The following PAXIP1 variants were observed in gnomAD, a reference collection of about 807,000 sequenced individuals.
PAXIP1 encodes PAX-interacting protein 1.
A neutral mutation model predicts 140.6 loss-of-function variants in PAXIP1; 19 were observed. That is an observed-to-expected ratio of 0.14 (90% CI 0.09 to 0.20). The LOEUF (loss-of-function observed/expected upper bound fraction) is 0.20, where lower values mean the gene tolerates loss of function less well. Ranked by LOEUF, PAXIP1 falls within the 10% of genes least tolerant of loss-of-function variation. The pLI is 1.00. For synonymous variants in PAXIP1, 442 were observed against 444.6 expected (o/e 0.99, Z 0.07); for missense variants, 920 against 1,208.6 (o/e 0.76, Z 3.54).
intron 2 of PAXIP1, among the ~76,000 whole-genome samples, 181 bp downstream of exon 2, chr7:154,998,469 T>C (rs143004303): frequency 8.3e-4 from 126 of 151,890 alleles, no homozygotes; most frequent in African/African-American, 2.9e-3. Flanking sequence ...GATCGTGCCA[T>C]TGCACTCCAG....
intron 5 of PAXIP1, among the ~76,000 whole-genome samples, chr7:154,978,143 A>T (rs544233687): frequency 3.2e-4 from 48 of 152,224 alleles, no homozygotes; most frequent in Non-Finnish European, 5.7e-4. Flanking sequence ...AGCACAATGA[A>T]CTATGATTCA....
rs1371381593 is a variant in PAXIP1, at chr7:155,002,974, CCACCCCCCGCCCCCGGCCCCCGCGG to C, written c.-70_-46del. ...GCTCCGCGGCGGCGCCCGGCCCCGC[CCACCCCCCGCCCCCGGCCCCCGCGG>C]CGCCCGGCGCCCCCACTCGCCCCGC... On this transcript the variant is annotated 5_prime_UTR_variant, in exon 1 of 21. Transcript: ENST00000404141. 1.2e-6 allele frequency: 1 copy of C among 855,832 alleles called. No homozygotes were observed. Among genetic ancestry groups the C allele is most frequent in the East Asian group, 1.1e-4 (1 of 9,232 alleles). The allele number at this position is 855,832 out of a possible 1,614,324, so 53.0% of individuals were successfully genotyped here.
rs140488176 is a variant in PAXIP1 at position 154,986,272 on chromosome 7, G to A, written c.325-2940C>T. 21 of 841,338 alleles carry A rather than the reference G, an allele frequency of 2.5e-5. No individual in the cohort carries two copies. The highest frequency in any genetic ancestry group is 5.1e-4 in the Middle Eastern group (1 of 1,958). The allele number at this position is 841,338 out of a possible 1,614,324, so 52.1% of individuals were successfully genotyped here. A position where few individuals can be genotyped will look rare whatever the true frequency, so the allele number is the denominator to read the frequency against. The stretch of plus-strand genomic sequence containing the variant: ...CTGCCTGGCGTGTGCATGTGAGTGT[G>A]TGTGCGCATGGGTGCTCCAGTGTGC... On this transcript the variant is annotated intron_variant, in intron 4 of 20. Coordinates refer to ENST00000404141, the MANE Select transcript of PAXIP1 (RefSeq NM_007349.4). This position sits in a 1 kb window ranked among gnomAD's most constrained non-coding sequence, Gnocchi z 4.8.
At chr7:154,970,358 T>C (rs1480080006) in intron 6 of PAXIP1, among the ~76,000 whole-genome samples, 1 of 152,216 alleles carries the variant, frequency 6.6e-6, no homozygotes, top group Non-Finnish European at 1.5e-5. Context: ...AAAGATTATA[T>C]GACCTGCAAG....
rs772259579 is a variant in PAXIP1 at position 154,944,099 on chromosome 7, C to G, written c.*50G>C. ...GCGCAGCAGCTCCTCGCCAGCCAGA[C>G]AGCCAGCCCCGCACCGCAGGAGTCG... is the stretch of plus-strand genomic sequence containing the variant. On this transcript the variant is annotated 3_prime_UTR_variant, in exon 21 of 21. Transcript: ENST00000404141. 3.1e-6 allele frequency: 5 copies of G among 1,603,000 alleles called. No homozygotes were observed. Among genetic ancestry groups the G allele is most frequent in the South Asian group, 2.2e-5 (2 of 89,968 alleles).
chr7:154,964,148 C>A (rs1053216337), intron 8 of PAXIP1: 4 of 168,036 alleles, frequency 2.4e-5, no homozygotes, highest in Non-Finnish European at 5.2e-5. Flanking sequence ...CAGCAGCCCC[C>A]TAGCCGCGAC....
intron 4 of PAXIP1, among the ~76,000 whole-genome samples, chr7:154,989,246 A>T (rs1810212115): frequency 6.6e-6 from 1 of 152,218 alleles, no homozygotes; most frequent in Non-Finnish European, 1.5e-5. Flanking sequence ...GATCAAGTTC[A>T]GACCGGTGAT....
intron 16 of PAXIP1, among the ~76,000 whole-genome samples, chr7:154,953,665 A>T (rs1808381358): frequency 6.6e-6 from 1 of 152,212 alleles, no homozygotes. Flanking sequence ...ACCTCCATGA[A>T]GAAAAAAAAT....
intron 1 of PAXIP1, among the ~76,000 whole-genome samples, chr7:154,999,911 G>A (rs1271337636): frequency 6.6e-6 from 1 of 152,182 alleles, no homozygotes; most frequent in Non-Finnish European, 1.5e-5. Context: ...TTCAGGGACA[G>A]GTAGGGAAGT....
chr7:154,991,202 G>A, intron 3 of PAXIP1, 133 bp from the exon 4 acceptor site: 1 of 544,056 alleles, frequency 1.8e-6, no homozygotes, highest in East Asian at 3.2e-5. Flanking sequence ...AGACAAAGAA[G>A]AGTACAGGGC....
intron 5 of PAXIP1, among the ~76,000 whole-genome samples, chr7:154,977,582 T>G (rs1809642917): frequency 6.6e-6 from 1 of 152,206 alleles, no homozygotes. Flanking sequence ...TGTGAGTTTG[T>G]TCTTTCTCAA....
At position 154,969,002 on chromosome 7, in the gene PAXIP1, A is replaced by G; in HGVS notation, c.1199T>C (p.Met400Thr). ...CTGGGCCTGCTGCTGCTGCTGTAGC[A>G]TGTGTGTCTCTGGAGTCACTTTCAC... is the stretch of plus-strand genomic sequence containing the variant. ...SQVKVTPETH[M>T]LQQQQQAQQQ... Residue 400 changes from methionine to threonine, a missense_variant, in exon 7 of 21, where the codon ATG becomes ACG. Transcript: ENST00000404141. 1.3e-6 allele frequency: 2 copies of G among 1,551,036 alleles called. No homozygotes were observed. Among genetic ancestry groups the G allele is most frequent in the Non-Finnish European group, 8.7e-7 (1 of 1,146,766 alleles).
chr7:154,974,589 C>A (rs1208363178), intron 6 of PAXIP1: 1 of 152,226 alleles, frequency 6.6e-6, no homozygotes, highest in Non-Finnish European at 1.5e-5. Context: ...AAGTCACCTC[C>A]TGCCCGAGGT....
In PAXIP1 at chr7:154,963,691, C is replaced by G. The variant is rs1166610405; in HGVS notation, c.1969G>C (p.Val657Leu). 3 of 1,613,196 alleles carry G rather than the reference C, an allele frequency of 1.9e-6. No homozygotes were observed. The highest frequency in any genetic ancestry group is 2.5e-6 in the Non-Finnish European group (3 of 1,179,550). Residue 657 changes from valine to leucine, a missense_variant, in exon 9 of 21, where the codon GTC (valine) becomes CTC (leucine). Around this residue, in one of 5 missense-constraint regions of PAXIP1, gnomAD observed 303 missense variants for 517.9 expected, o/e 0.59. Coordinates refer to ENST00000404141, the MANE Select transcript of PAXIP1 (RefSeq NM_007349.4). The surrounding 1 kb of genome is among the most constrained non-coding windows in gnomAD (Gnocchi z 4.1). The stretch of plus-strand genomic sequence containing the variant: ...CTTACCTGTGCATACGCGCTGCTGA[C>G]TTGACTCTCACAGAGAAGGTGCGTG... ...RCTHLLCESQVSSAYAQAIRE... is the reference protein window; with the variant it reads ...RCTHLLCESQLSSAYAQAIRE...
intron 5 of PAXIP1, among the ~76,000 whole-genome samples, chr7:154,978,126 T>C (rs1809685733): frequency 6.6e-6 from 1 of 152,228 alleles, no homozygotes; most frequent in African/African-American, 2.4e-5. Context: ...ACCATAATTA[T>C]CATAGCAGCA....
At chr7:154,993,586 A>C (rs1810443788) in intron 3 of PAXIP1, 140 bp downstream of exon 3, 3 of 684,704 alleles carry the variant, frequency 4.4e-6, no homozygotes, top group Non-Finnish European at 7.5e-6. Flanking sequence ...ACAGGATGGA[A>C]AATAGTAGGA....
intron 4 of PAXIP1, among the ~76,000 whole-genome samples, chr7:154,985,441 G>C (rs145248733): frequency 0.011 from 1,696 of 152,158 alleles, 17 homozygotes; most frequent in Middle Eastern, 0.052. Flanking sequence ...GCCCCCACGT[G>C]CACCTGCCGT....
chr7:154,947,039 T>C, intron 17 of PAXIP1: 1 of 422,332 alleles, frequency 2.4e-6, no homozygotes. Context: ...CTGAAGATGA[T>C]TTAAAGTAAC....
rs531767595 is a variant in PAXIP1, at chr7:154,959,870, A to C, written c.2478+20T>G. The C allele has an allele frequency of 4.6e-6, 7 of 1,528,488 alleles. No homozygotes were observed. Among genetic ancestry groups the C allele is most frequent in the Non-Finnish European group, 6.3e-6 (7 of 1,102,726 alleles). The allele number at this position is 1,528,488 out of a possible 1,614,324, so 94.7% of individuals were successfully genotyped here. A position where few individuals can be genotyped will look rare whatever the true frequency, so the allele number is the denominator to read the frequency against. On this transcript the variant is annotated intron_variant, in intron 13 of 20. Transcript: ENST00000404141. ...TAATAATACAGTAATAGCCAAGGTA[A>C]GGTTATTAATTTGACATACCATCAA...
Sources: gnomAD v4.1 joint callset for allele counts (sites outside exome capture counted in the v4.1 genomes callset) on GRCh38, gnomAD v4.1.1 for gene constraint, gnomAD v4.1.1 regional missense constraint, Gnocchi (gnomAD v3.1) non-coding constraint, MANE v1.5 for transcripts, NCBI Gene and HGNC (gene_info 2026-07-23, HGNC 2026-07-21) for gene names.